NAV2: variants seen among roughly 807,000 people sequenced by gnomAD.
NAV2 encodes neuron navigator 2, also known as helicase, APC down-regulated 1.
In NAV2, 54 loss-of-function variants were observed where a neutral mutation model predicts 223.2. That is an observed-to-expected ratio of 0.24 (90% confidence interval 0.19 to 0.30). The LOEUF (loss-of-function observed/expected upper bound fraction) is 0.30. Ranked by LOEUF, NAV2 falls within the 10% of genes least tolerant of loss-of-function variation. The pLI is 1.00. For synonymous variants in NAV2, 1,279 were observed against 1,239.3 expected (o/e 1.03, Z -0.67); for missense variants, 2,806 against 3,147.5 (o/e 0.89, Z 2.60).
At chr11:19,622,204 A>T (rs191832069) in intron 1 of NAV2, among the ~76,000 whole-genome samples, 1 of 152,256 alleles carries the variant, frequency 6.6e-6, no homozygotes, top group Admixed American at 6.5e-5. Context: ...GATAAGTGTG[A>T]TGTGGTGCTG....
intron 2 of NAV2, among the ~76,000 whole-genome samples, chr11:19,835,863 T>C (rs202195113): frequency 1.3e-5 from 2 of 152,168 alleles, no homozygotes; most frequent in East Asian, 3.9e-4. Flanking sequence ...CTAGTGGCTA[T>C]ACTTGTTCTT....
intron 6 of NAV2, among the ~76,000 whole-genome samples, chr11:19,919,631 C>T (rs2044103992): frequency 6.6e-6 from 1 of 152,138 alleles, no homozygotes; most frequent in African/African-American, 2.4e-5. Flanking sequence ...AGACCTGGTC[C>T]CATCTTGCTT....
rs748053775 is a variant in NAV2 at position 20,044,164 on chromosome 11, A to C, written c.3091A>C (p.Ile1031Leu). The C allele has an allele frequency of 6.2e-7, 1 of 1,614,192 alleles. No homozygotes were observed. Among genetic ancestry groups the C allele is most frequent in the Admixed American group, 1.7e-5 (1 of 60,022 alleles). The change falls in exon 13 of 38, where the codon ATC becomes CTC. Residue 1031 changes from isoleucine to leucine, a missense_variant. By Grantham distance (5) the Ile-to-Leu change is conservative (BLOSUM62 2). This residue lies in a region of NAV2 where 742 missense variants were observed against 777.9 expected (regional missense o/e 0.95). Coordinates refer to ENST00000349880, the MANE Select transcript of NAV2 (RefSeq NM_145117.5). Reference sequence around the variant, plus strand: ...CACGTCGGGCAAGAAGAATCCTGTCATCTCCCAGACAGGCTCATGGCGGCG... The same window carrying C: ...CACGTCGGGCAAGAAGAATCCTGTCCTCTCCCAGACAGGCTCATGGCGGCG... Reference protein sequence around the residue: ...KSTSGKKNPVISQTGSWRRGM... With the variant: ...KSTSGKKNPVLSQTGSWRRGM...
chr11:19,492,217 C>T (rs1189658611), intron 1 of NAV2, among the ~76,000 whole-genome samples: 2 of 151,728 alleles, frequency 1.3e-5, no homozygotes, highest in African/African-American at 2.4e-5. Flanking sequence ...TGAGCACATG[C>T]TATTGGAAAA....
At chr11:20,044,306 G>T in intron 13 of NAV2, 34 bp downstream of exon 13, 1 of 1,565,910 alleles carries the variant, frequency 6.4e-7, no homozygotes, top group South Asian at 1.2e-5. Flanking sequence ...CCCTACAGTT[G>T]ACATTTTGAA....
chr11:19,670,978 C>T (rs1382716590), intron 1 of NAV2, among the ~76,000 whole-genome samples: 1 of 152,180 alleles, frequency 6.6e-6, no homozygotes, highest in African/African-American at 2.4e-5. Flanking sequence ...TCCTCAAAGC[C>T]CCCGCTATGC....
chr11:19,647,197 A>C (rs535919919), intron 1 of NAV2, among the ~76,000 whole-genome samples: 1 of 152,258 alleles, frequency 6.6e-6, no homozygotes, highest in South Asian at 2.1e-4. Flanking sequence ...GGCTGAGCGC[A>C]CATGTGCCTA....
chr11:19,984,334 G>A lies in NAV2; in HGVS notation c.2768+87G>A, dbSNP rs2050574090. 1.9e-6 allele frequency: 3 copies of A among 1,589,658 alleles called. No individual in the cohort carries two copies. In the Admixed American group the frequency reaches 5.1e-5, roughly 27 times the overall value. ...ATGAGGGTTATGATATTGGGAGAGT[G>A]AATGGAGACTTGAACCCACAGAGAG... On this transcript the variant is annotated intron_variant, in intron 11 of 37. Transcript: ENST00000349880.
intron 1 of NAV2, among the ~76,000 whole-genome samples, chr11:19,793,931 C>T (rs188260151): frequency 2.9e-4 from 44 of 152,248 alleles, no homozygotes; most frequent in Middle Eastern, 3.4e-3. Flanking sequence ...GAGAGGCCGC[C>T]GGGACCCCCA....
intron 1 of NAV2, among the ~76,000 whole-genome samples, chr11:19,727,282 T>C (rs1470517171): frequency 1.3e-5 from 2 of 152,306 alleles, no homozygotes; most frequent in East Asian, 3.9e-4. Context: ...GGTAGTTCCA[T>C]CCAGCCCGTC....
At chr11:20,024,166 C>T (rs1038435044) in intron 11 of NAV2, among the ~76,000 whole-genome samples, 5 of 152,104 alleles carry the variant, frequency 3.3e-5, no homozygotes, top group Non-Finnish European at 5.9e-5. Flanking sequence ...GAGGACTCAC[C>T]GAAATACACA....
chr11:19,361,546 C>G lies in NAV2; in HGVS notation c.75+10519C>G, dbSNP rs375803884. Among the ~76,000 whole-genome samples, 124 of 152,130 alleles carry G rather than the reference C, an allele frequency of 8.2e-4. No individual in the cohort carries two copies. The Middle Eastern group carries it at 0.017, about 21-fold the overall frequency. Reference sequence around the variant, plus strand: ...ACAGAAGGTAGGCCAAAGTTCCGGGCTCTAAAGTGTCTTCCTCCCTGGATG... The same window carrying G: ...ACAGAAGGTAGGCCAAAGTTCCGGGGTCTAAAGTGTCTTCCTCCCTGGATG... On this transcript the variant is annotated intron_variant, in intron 1 of 37. Transcript: ENST00000360655.
At chr11:19,801,698 A>T (rs1038012899) in intron 1 of NAV2, among the ~76,000 whole-genome samples, 2 of 152,190 alleles carry the variant, frequency 1.3e-5, no homozygotes, top group Middle Eastern at 3.2e-3. Flanking sequence ...GTGACAAAGA[A>T]GGGCAGTCTC....
intron 1 of NAV2, among the ~76,000 whole-genome samples, chr11:19,791,641 TCAAGCTTGGTAAG>T (rs1019827685): frequency 6.6e-6 from 1 of 152,158 alleles, no homozygotes; most frequent in Admixed American, 6.5e-5. Context: ...GTTGCCTTTC[TCAAGCTTGGTAAG>T]CACTTGGGGC....
chr11:20,061,491 C>A (rs1484377787), intron 19 of NAV2, among the ~76,000 whole-genome samples: 1 of 151,210 alleles, frequency 6.6e-6, no homozygotes, highest in Non-Finnish European at 1.5e-5. Flanking sequence ...ATCACTTGAA[C>A]TTGGGAGGCA....
rs567975101 is a variant in NAV2 at position 19,543,384 on chromosome 11, A to G, written c.75+192357A>G. Among the ~76,000 whole-genome samples, 3 of 152,292 alleles carry G rather than the reference A, an allele frequency of 2.0e-5. No individual in the cohort carries two copies. The East Asian group carries it at 5.8e-4, about 29-fold the overall frequency. On this transcript the variant is annotated intron_variant, in intron 1 of 37. Transcript: ENST00000360655. ...TGCCGATGATGCATGCTGTCAACCA[A>G]CGTAACAGTAATCATTGCTATCATC...
chr11:19,510,273 C>G (rs2134223136), intron 1 of NAV2, among the ~76,000 whole-genome samples: 1 of 152,306 alleles, frequency 6.6e-6, no homozygotes, highest in East Asian at 1.9e-4. Flanking sequence ...CTCACAGTTA[C>G]ACTATGAGTT....
intron 1 of NAV2, among the ~76,000 whole-genome samples, chr11:19,647,099 C>T (rs752020836): frequency 3.3e-5 from 5 of 152,154 alleles, no homozygotes; most frequent in Non-Finnish European, 7.3e-5. Flanking sequence ...AACTTGCAAT[C>T]CTGGTGCCTG....
intron 1 of NAV2, among the ~76,000 whole-genome samples, chr11:19,455,034 A>G (rs79535078): frequency 0.039 from 5,982 of 152,244 alleles, 297 homozygotes; most frequent in African/African-American, 0.11. Flanking sequence ...TCTGGGGGTC[A>G]GGGGTAGGCA....
Sources: gnomAD v4.1 joint callset for allele counts (sites outside exome capture counted in the v4.1 genomes callset) on GRCh38, gnomAD v4.1.1 for gene constraint, gnomAD v4.1.1 regional missense constraint, MANE v1.5 for transcripts, NCBI Gene and HGNC (gene_info 2026-07-23, HGNC 2026-07-21) for gene names.